DCLK2: variants seen among roughly 807,000 people sequenced by gnomAD.
The protein encoded by DCLK2 is serine/threonine-protein kinase DCLK2.
Under a neutral mutation model 78.4 loss-of-function variants are expected in DCLK2, and 31 were observed. The ratio of observed to expected loss-of-function variants is 0.40; its 90% confidence interval spans 0.30 to 0.53. The LOEUF (loss-of-function observed/expected upper bound fraction) is 0.53. DCLK2 is among the 20% of genes least tolerant of loss of function. The pLI, the probability that DCLK2 is intolerant of heterozygous loss-of-function variation, is 0.61. For synonymous variants in DCLK2, 407 were observed against 374.9 expected, an observed-to-expected ratio of 1.09 and a Z score of -0.99; for missense variants, 872 against 973.7, an observed-to-expected ratio of 0.90 and a Z score of 1.39.
At chr4:150,236,053 T>C (rs1020990787) in intron 10 of DCLK2, among the ~76,000 whole-genome samples, 5 of 152,210 alleles carry the variant, frequency 3.3e-5, no homozygotes, top group African/African-American at 1.2e-4. Flanking sequence ...TGGTTTCTCA[T>C]ATTTGAAGTC....
At chr4:150,126,783 G>A (rs4274824) in intron 2 of DCLK2, among the ~76,000 whole-genome samples, 35,640 of 152,014 alleles carry the variant, frequency 0.23, 4,561 homozygotes, top group African/African-American at 0.34. Context: ...GCTATTAACT[G>A]ATCTACAGAC....
intron 8 of DCLK2, among the ~76,000 whole-genome samples, chr4:150,228,671 A>C (rs1201584865): frequency 6.6e-6 from 1 of 152,244 alleles, no homozygotes; most frequent in East Asian, 1.9e-4. Context: ...GGAGAGATCT[A>C]ATCTGGTCCC....
intron 8 of DCLK2, among the ~76,000 whole-genome samples, chr4:150,227,053 A>G (rs757130412): frequency 6.6e-6 from 1 of 152,216 alleles, no homozygotes; most frequent in Non-Finnish European, 1.5e-5. Flanking sequence ...CTTGCAAAAC[A>G]GATGCGCCAG....
chr4:150,249,486 G>T (rs553184189), intron 14 of DCLK2, 82 bp from the exon 15 acceptor site: 2 of 1,147,104 alleles, frequency 1.7e-6, no homozygotes, highest in Admixed American at 1.7e-5. Flanking sequence ...TGGTTGAGGC[G>T]GGGAGGGGGA....
chr4:150,098,786 C>T (rs1404125250), intron 1 of DCLK2, among the ~76,000 whole-genome samples: 3 of 150,626 alleles, frequency 2.0e-5, no homozygotes, highest in South Asian at 2.1e-4. Context: ...ATCTCTGCCT[C>T]CTGGGTTCAG....
chr4:150,235,385 A>G (rs561328195), intron 10 of DCLK2, among the ~76,000 whole-genome samples: 2 of 152,336 alleles, frequency 1.3e-5, no homozygotes, highest in East Asian at 3.9e-4. Context: ...AAGAGTAAGT[A>G]ATGTAATGGG....
At chr4:150,104,909 C>T (rs4422402) in intron 2 of DCLK2, among the ~76,000 whole-genome samples, 57,653 of 151,938 alleles carry the variant, frequency 0.38, 11,175 homozygotes, top group Non-Finnish European at 0.42. Context: ...TCTATACATT[C>T]TTTCTGATTT....
At chr4:150,190,053 G>GAAAAAAAAAAAAAAAAAAA (rs1378760105) in intron 2 of DCLK2, among the ~76,000 whole-genome samples, 1 of 12,958 alleles carries the variant, frequency 7.7e-5, no homozygotes, top group Non-Finnish European at 2.9e-4. Context: ...AAAAAAAAAG[G>GAAAAAAAAAAAAAAAAAAA]CCAAGTGTGG....
At chr4:150,151,225 TACA>T (rs1437617732) in intron 2 of DCLK2, among the ~76,000 whole-genome samples, 3 of 152,258 alleles carry the variant, frequency 2.0e-5, no homozygotes, top group African/African-American at 7.2e-5. Flanking sequence ...AACCATTGTT[TACA>T]ACATTTATGC....
chr4:150,084,790 C>T (rs181101460), intron 1 of DCLK2, among the ~76,000 whole-genome samples: 1 of 152,150 alleles, frequency 6.6e-6, no homozygotes, highest in Non-Finnish European at 1.5e-5. Flanking sequence ...CTTCATTGCT[C>T]GTGAGGCCGA....
intron 2 of DCLK2, among the ~76,000 whole-genome samples, chr4:150,154,199 C>T (rs919576376): frequency 4.6e-5 from 7 of 152,108 alleles, no homozygotes; most frequent in Admixed American, 1.3e-4. Flanking sequence ...CTTAATCTTT[C>T]GAGTAATACG....
At chr4:150,169,611 C>A (rs964905372) in intron 2 of DCLK2, among the ~76,000 whole-genome samples, 1 of 150,354 alleles carries the variant, frequency 6.7e-6, no homozygotes, top group Non-Finnish European at 1.5e-5. Context: ...GAGCCAAGAT[C>A]GCACCATTGC....
At chr4:150,133,054 G>A (rs12500357) in intron 2 of DCLK2, among the ~76,000 whole-genome samples, 1 of 151,986 alleles carries the variant, frequency 6.6e-6, no homozygotes, top group South Asian at 2.1e-4. Context: ...TATTACTCAC[G>A]ACTTAAAAAA....
chr4:150,106,689 G>T (rs1018605195), intron 2 of DCLK2, among the ~76,000 whole-genome samples: 3 of 152,182 alleles, frequency 2.0e-5, no homozygotes, highest in African/African-American at 7.2e-5. Context: ...AGAGTTTTAA[G>T]GGGCTGGTTA....
At position 150,079,394 on chromosome 4, in the gene DCLK2, A is replaced by G. The variant is rs1580456923; in HGVS notation, c.367A>G (p.Ile123Val). ...GAACCTGCCCCAGGGTGTCCGCACT[A>G]TCTACACCATCGACGGCAGCCGGAA... Reference protein sequence around the residue: ...NVNLPQGVRTIYTIDGSRKVT... With the variant: ...NVNLPQGVRTVYTIDGSRKVT... The change falls in exon 1 of 16, where the codon ATC becomes GTC. Residue 123 changes from isoleucine (I) to valine (V), a missense_variant. Around this residue, in one of 3 missense-constraint regions of DCLK2, gnomAD observed 567 missense variants for 593.4 expected, o/e 0.96. Transcript: ENST00000296550. The G allele has an allele frequency of 6.4e-7, 1 of 1,571,122 alleles. No homozygotes were observed. The highest frequency in any genetic ancestry group is 8.7e-7 in the Non-Finnish European group (1 of 1,155,248).
At chr4:150,169,275 A>G (rs1316243268) in intron 2 of DCLK2, among the ~76,000 whole-genome samples, 2 of 152,224 alleles carry the variant, frequency 1.3e-5, no homozygotes, top group African/African-American at 4.8e-5. Flanking sequence ...ATTTAGAAGG[A>G]AAAAAATGGA....
intron 10 of DCLK2, among the ~76,000 whole-genome samples, chr4:150,233,389 T>A (rs1313762354): frequency 6.6e-6 from 1 of 152,182 alleles, no homozygotes; most frequent in African/African-American, 2.4e-5. Flanking sequence ...CCAAAGCATG[T>A]CACCAGATAC....
At chr4:150,080,682 C>G (rs573818308) in intron 1 of DCLK2, among the ~76,000 whole-genome samples, 31 of 152,334 alleles carry the variant, frequency 2.0e-4, no homozygotes, top group African/African-American at 6.5e-4. Context: ...GGCAGCATGC[C>G]TTGCCTCACA....
At chr4:150,108,865 A>G (rs1731456995) in intron 2 of DCLK2, among the ~76,000 whole-genome samples, 1 of 152,172 alleles carries the variant, frequency 6.6e-6, no homozygotes, top group South Asian at 2.1e-4. Context: ...GCAGAGGCAA[A>G]ACAGACCCAG....
Sources: allele counts gnomAD v4.1 joint callset (sites outside exome capture counted in the v4.1 genomes callset), GRCh38; gene constraint gnomAD v4.1.1; regional missense constraint gnomAD v4.1.1; transcripts MANE v1.5; gene names NCBI Gene and HGNC (gene_info 2026-07-23, HGNC 2026-07-21).